The following UNC80 variants were observed in gnomAD, a reference collection of about 807,000 sequenced individuals.
UNC80 encodes the protein unc-80 subunit of NALCN channel complex, also known as protein unc-80 homolog.
UNC80 carries 164 observed loss-of-function variants against 384.6 expected under a neutral mutation model. That is an observed-to-expected ratio of 0.43 (90% CI 0.38 to 0.49). UNC80 has a LOEUF of 0.49. UNC80 is among the 20% of genes least tolerant of loss of function. The probability of loss-of-function intolerance (pLI) is 0.00; values close to 1 mark genes in which losing one functional copy is unlikely to be tolerated. For synonymous variants in UNC80, 1,486 were observed against 1,527.8 expected, an observed-to-expected ratio of 0.97 and a Z score of 0.64; for missense variants, 3,330 against 4,143.0, an observed-to-expected ratio of 0.80 and a Z score of 5.39.
chr2:209,997,580 T>C lies in UNC80; in HGVS notation c.*1985T>C, dbSNP rs1438245618. On this transcript the variant is annotated 3_prime_UTR_variant, in exon 65 of 65. Coordinates refer to ENST00000673920, the MANE Select transcript of UNC80 (RefSeq NM_001371986.1). Reference sequence around the variant, plus strand: ...AACAAGAATCATAAATACCTTTATATGTATTTTAAAAGTATTGGGCTGTTC... The same window carrying C: ...AACAAGAATCATAAATACCTTTATACGTATTTTAAAAGTATTGGGCTGTTC... 6.6e-6 allele frequency: 1 copy of C among 152,236 alleles called. No individual in the cohort carries two copies. Among genetic ancestry groups the C allele is most frequent in the Non-Finnish European group, 1.5e-5 (1 of 68,028 alleles). 9.4% of individuals were successfully genotyped at this position (152,236 alleles called of 1,614,324 possible). A position where few individuals can be genotyped will look rare whatever the true frequency, so the allele number is the denominator to read the frequency against.
intron 37 of UNC80, 22 bp downstream of exon 37, chr2:209,929,993 G>A (rs2090724150): frequency 2.0e-6 from 3 of 1,483,876 alleles, no homozygotes; most frequent in Non-Finnish European, 2.7e-6. Flanking sequence ...TTCCTTTTTA[G>A]TGTAGCTCTG....
At chr2:209,922,186 A>C in intron 34 of UNC80, 66 bp from the exon 35 acceptor site, 1 of 1,525,518 alleles carries the variant, frequency 6.6e-7, no homozygotes, top group South Asian at 1.2e-5. Flanking sequence ...TGATACAACA[A>C]CAATGTGATA....
intron 54 of UNC80, among the ~76,000 whole-genome samples, 189 bp from the exon 55 acceptor site, chr2:209,972,012 C>T (rs1457171493): frequency 6.6e-6 from 1 of 152,142 alleles, no homozygotes; most frequent in Admixed American, 6.5e-5. Context: ...GTATAGCTCT[C>T]AATTATATCA....
intron 2 of UNC80, among the ~76,000 whole-genome samples, chr2:209,774,824 G>C (rs1216706276): frequency 6.6e-6 from 1 of 152,010 alleles, no homozygotes; most frequent in Non-Finnish European, 1.5e-5. Flanking sequence ...ACCTCAGTGT[G>C]CCCTTCATTA....
chr2:209,933,918 G>T lies in UNC80; in HGVS notation c.6091G>T (p.Val2031Leu). 1 of 1,551,204 alleles carries T rather than the reference G, an allele frequency of 6.4e-7. No homozygotes were observed. The highest frequency in any genetic ancestry group is 8.7e-7 in the Non-Finnish European group (1 of 1,146,842). Residue 2031 changes from valine (V) to leucine (L), a missense_variant, in exon 39 of 65, where the codon GTG becomes TTG. This residue lies in a region of UNC80 where 1,049 missense variants were observed against 1,488.6 expected (regional missense o/e 0.70). Transcript: ENST00000673920. ...ATTCCTGTGGGAGGTGGTGGGTTAC[G>T]TGGAGGGCCTCTTCTTCAAGGATCT... Reference protein sequence around the residue: ...LTFLWEVVGYVEGLFFKDLKQ... With the variant: ...LTFLWEVVGYLEGLFFKDLKQ...
intron 7 of UNC80, among the ~76,000 whole-genome samples, chr2:209,809,793 G>A (rs777660442): frequency 3.9e-5 from 6 of 152,244 alleles, no homozygotes; most frequent in Non-Finnish European, 7.3e-5. Context: ...AGTGGACTCT[G>A]AAAGAGGCCT....
In UNC80 at chr2:209,955,758, CAG is replaced by C. The variant is rs1325179744; in HGVS notation, c.7457+1496_7457+1497del. 5.4e-3 allele frequency among the ~76,000 whole-genome samples: 633 copies of C among 118,316 alleles called. 2 individuals are homozygous for C. The highest frequency in any genetic ancestry group is 7.2e-3 in the Non-Finnish European group (390 of 54,482). The allele number at this position is 118,316 out of a possible 152,430, so 77.6% of individuals were successfully genotyped here. On this transcript the variant is annotated intron_variant, in intron 48 of 64. Coordinates refer to ENST00000673920, the MANE Select transcript of UNC80 (RefSeq NM_001371986.1). ...ATATATACACACACACACACACACA[CAG>C]AGAGAGACTGACTCACTCTGTCACC...
At chr2:209,844,639 G>C (rs754523388) in intron 21 of UNC80, among the ~76,000 whole-genome samples, 2 of 150,068 alleles carry the variant, frequency 1.3e-5, no homozygotes, top group Non-Finnish European at 3.0e-5. Context: ...ACCCATGCTG[G>C]AGTGCAATGG....
chr2:209,949,048 G>C (rs1247685604), intron 47 of UNC80, among the ~76,000 whole-genome samples: 1 of 152,076 alleles, frequency 6.6e-6, no homozygotes, highest in East Asian at 1.9e-4. Context: ...AAAATAAACT[G>C]TAACTGGGTT....
chr2:209,919,296 A>G (rs2089839224), intron 33 of UNC80, among the ~76,000 whole-genome samples: 1 of 152,218 alleles, frequency 6.6e-6, no homozygotes, highest in African/African-American at 2.4e-5. Flanking sequence ...AGAGTAATGT[A>G]GAAAATTTGG....
At chr2:209,881,167 C>T (rs2085253222) in intron 25 of UNC80, 73 bp downstream of exon 25, 1 of 1,476,344 alleles carries the variant, frequency 6.8e-7, no homozygotes, top group Admixed American at 2.5e-5. Flanking sequence ...TTCCAAGATT[C>T]ACAGTTTTCT....
At chr2:209,844,028 T>A (rs2081955031) in intron 21 of UNC80, among the ~76,000 whole-genome samples, 1 of 152,150 alleles carries the variant, frequency 6.6e-6, no homozygotes, top group Admixed American at 6.5e-5. Context: ...AGGGCAAACA[T>A]CAAGTTTATT....
At chr2:209,786,847 G>A (rs2077458365) in intron 5 of UNC80, among the ~76,000 whole-genome samples, 1 of 151,790 alleles carries the variant, frequency 6.6e-6, no homozygotes. Context: ...TTAGTAAGAA[G>A]TAAATGAGAG....
intron 39 of UNC80, among the ~76,000 whole-genome samples, chr2:209,934,307 G>T (rs964526914): frequency 6.6e-6 from 1 of 152,160 alleles, no homozygotes; most frequent in South Asian, 2.1e-4. Flanking sequence ...TGAACTGAAA[G>T]CTTGTTTGAG....
rs969088771 is a variant in UNC80, at chr2:209,829,436, T to C, written c.2626+57T>C. The C allele has an allele frequency of 1.4e-5, 21 of 1,535,516 alleles. No homozygotes were observed. The East Asian group carries it at 2.0e-4, about 14-fold the overall frequency. On this transcript the variant is annotated intron_variant, in intron 15 of 64. Coordinates refer to ENST00000673920, the MANE Select transcript of UNC80 (RefSeq NM_001371986.1). Reference sequence around the variant, plus strand: ...AGTCGTTGTGAGGTGAATCAGGTAGTGTTTCAAGGGGACACTAAATTTGTG... The same window carrying C: ...AGTCGTTGTGAGGTGAATCAGGTAGCGTTTCAAGGGGACACTAAATTTGTG...
chr2:209,831,429 C>A lies in UNC80; in HGVS notation c.2627-14C>A, dbSNP rs540670222. ...AAGGAAACATTGTCTTTAATTTGTG[C>A]CTTTGCATTCCAGACAAGGCTGGGT... On this transcript the variant is annotated splice_polypyrimidine_tract_variant and intron_variant, in intron 15 of 64. Coordinates refer to ENST00000673920, the MANE Select transcript of UNC80 (RefSeq NM_001371986.1). 1.3e-6 allele frequency: 2 copies of A among 1,541,546 alleles called. No homozygotes were observed. The highest frequency in any genetic ancestry group is 1.8e-6 in the Non-Finnish European group (2 of 1,142,450).
chr2:209,877,361 ATGT>A (rs973336022), intron 23 of UNC80, among the ~76,000 whole-genome samples: 91 of 152,290 alleles, frequency 6.0e-4, no homozygotes, highest in African/African-American at 1.8e-3. Flanking sequence ...CATATTTCTA[ATGT>A]TGTTGGGCAC....
At chr2:209,966,823 C>A (rs2092754627) in intron 51 of UNC80, among the ~76,000 whole-genome samples, 1 of 152,086 alleles carries the variant, frequency 6.6e-6, no homozygotes, top group South Asian at 2.1e-4. Context: ...TGAAGAATCT[C>A]AACAGAGAGA....
intron 18 of UNC80, among the ~76,000 whole-genome samples, chr2:209,837,645 A>C (rs939745467): frequency 1.3e-5 from 2 of 152,240 alleles, no homozygotes; most frequent in African/African-American, 4.8e-5. Flanking sequence ...ACTACAGAGT[A>C]TACCACCATA....
Sources: gnomAD v4.1 joint callset for allele counts (sites outside exome capture counted in the v4.1 genomes callset) on GRCh38, gnomAD v4.1.1 for gene constraint, gnomAD v4.1.1 regional missense constraint, MANE v1.5 for transcripts, NCBI Gene and HGNC (gene_info 2026-07-23, HGNC 2026-07-21) for gene names.